CALN1: variants seen among roughly 807,000 people sequenced by gnomAD.
The protein encoded by CALN1 is calneuron 1.
Under a neutral mutation model 30.6 loss-of-function variants are expected in CALN1, and 17 were observed. That is an observed-to-expected ratio of 0.56 (90% CI 0.38 to 0.83). The LOEUF (loss-of-function observed/expected upper bound fraction) is 0.83. Among genes scored for constraint, CALN1 ranks in the 40% least tolerant of loss-of-function variants. CALN1 has a pLI of 0.00. For synonymous variants in CALN1, 156 were observed against 131.4 expected, an observed-to-expected ratio of 1.19 and a Z score of -1.28; for missense variants, 291 against 354.9, an observed-to-expected ratio of 0.82 and a Z score of 1.45.
At chr7:72,352,473 T>C (rs1285068700) in intron 2 of CALN1, among the ~76,000 whole-genome samples, 1 of 150,992 alleles carries the variant, frequency 6.6e-6, no homozygotes, top group African/African-American at 2.4e-5. Flanking sequence ...GGAATTAAAT[T>C]AGAAATCAGT....
intron 5 of CALN1, among the ~76,000 whole-genome samples, chr7:71,924,563 T>G (rs1204796428): frequency 6.6e-6 from 1 of 152,182 alleles, no homozygotes; most frequent in African/African-American, 2.4e-5. Flanking sequence ...CTATCTCAGA[T>G]AAAACAATAT....
At chr7:71,963,677 C>T (rs1797381896) in intron 5 of CALN1, among the ~76,000 whole-genome samples, 1 of 152,070 alleles carries the variant, frequency 6.6e-6, no homozygotes, top group South Asian at 2.1e-4. Context: ...TTTCCCTTAC[C>T]CCCTTGGTCA....
intron 2 of CALN1, among the ~76,000 whole-genome samples, chr7:72,399,872 G>A (rs767917553): frequency 1.3e-5 from 2 of 152,128 alleles, no homozygotes; most frequent in Non-Finnish European, 2.9e-5. Flanking sequence ...CACCCTTCCT[G>A]TGATAATGAG....
chr7:71,831,887 A>AC (rs1227780433), intron 5 of CALN1, among the ~76,000 whole-genome samples: 2 of 149,918 alleles, frequency 1.3e-5, no homozygotes, highest in Non-Finnish European at 3.0e-5. Context: ...AAAAAAAAAA[A>AC]AAAAAAAAAA....
intron 2 of CALN1, among the ~76,000 whole-genome samples, chr7:72,314,364 T>TACATATATATACAC (rs144343177): frequency 8.6e-6 from 1 of 116,880 alleles, no homozygotes; most frequent in Non-Finnish European, 1.5e-5. Flanking sequence ...TATATACATA[T>TACATATATATACAC]ACATATATAC....
intron 5 of CALN1, among the ~76,000 whole-genome samples, chr7:71,886,468 C>A (rs543689309): frequency 6.6e-6 from 1 of 152,154 alleles, no homozygotes; most frequent in African/African-American, 2.4e-5. Flanking sequence ...CAAGAGTCTG[C>A]GGTCAATTAT....
chr7:72,358,897 G>A (rs1258635728), intron 2 of CALN1, among the ~76,000 whole-genome samples: 1 of 151,790 alleles, frequency 6.6e-6, no homozygotes, highest in African/African-American at 2.4e-5. Context: ...GGCGGAGGTT[G>A]CAGTGAGGTG....
chr7:72,116,191 G>T (rs1325758898), intron 3 of CALN1, among the ~76,000 whole-genome samples: 1 of 152,152 alleles, frequency 6.6e-6, no homozygotes, highest in African/African-American at 2.4e-5. Flanking sequence ...TGAAAAGAAG[G>T]CTCAAGTGAG....
intron 5 of CALN1, among the ~76,000 whole-genome samples, chr7:71,988,454 C>T (rs1280595000): frequency 6.6e-6 from 1 of 152,098 alleles, no homozygotes; most frequent in Admixed American, 6.5e-5. Flanking sequence ...GCCCCAAGCC[C>T]ACAGTCATGT....
intron 3 of CALN1, among the ~76,000 whole-genome samples, chr7:72,248,239 C>T (rs1158665958): frequency 6.6e-6 from 1 of 152,128 alleles, no homozygotes; most frequent in African/African-American, 2.4e-5. Context: ...CTCAGCCTTC[C>T]AAGTAGCTGG....
At chr7:72,053,291 C>T (rs2129536301) in intron 4 of CALN1, among the ~76,000 whole-genome samples, 1 of 152,288 alleles carries the variant, frequency 6.6e-6, no homozygotes, top group South Asian at 2.1e-4. Flanking sequence ...ACACCAAAGA[C>T]TCCCAGAAAG....
the CALN1 span, among the ~76,000 whole-genome samples, chr7:72,487,890 AAAAGAAAG>A: frequency 6.0e-4 from 36 of 60,260 alleles, no homozygotes; most frequent in East Asian, 1.8e-3. Flanking sequence ...GAAAGAAAAG[AAAAGAAAG>A]AAAGAAAGAA....
At chr7:72,313,330 A>T (rs911335574) in intron 2 of CALN1, among the ~76,000 whole-genome samples, 1 of 152,210 alleles carries the variant, frequency 6.6e-6, no homozygotes, top group Non-Finnish European at 1.5e-5. Flanking sequence ...CATTTGGAAA[A>T]AAATAACAAT....
intron 1 of CALN1, among the ~76,000 whole-genome samples, chr7:72,426,532 G>A (rs1479685719): frequency 6.6e-6 from 1 of 152,194 alleles, no homozygotes; most frequent in Non-Finnish European, 1.5e-5. Context: ...TCAGCTATGT[G>A]GAACTGTGAG....
At chr7:72,183,066 G>A (rs1178551918) in intron 3 of CALN1, among the ~76,000 whole-genome samples, 1 of 152,022 alleles carries the variant, frequency 6.6e-6, no homozygotes, top group Admixed American at 6.6e-5. Context: ...GGTGTTTGTT[G>A]TTTGTCTGTT....
At chr7:72,361,814 T>G (rs554308482) in intron 2 of CALN1, among the ~76,000 whole-genome samples, 27 of 152,054 alleles carry the variant, frequency 1.8e-4, no homozygotes, top group African/African-American at 3.6e-4. Context: ...AGAAACTGTT[T>G]GATTTCAAGG....
intron 2 of CALN1, among the ~76,000 whole-genome samples, chr7:72,341,317 G>T (rs1802372430): frequency 6.6e-6 from 1 of 152,172 alleles, no homozygotes; most frequent in South Asian, 2.1e-4. Flanking sequence ...GAGGTCAGGG[G>T]TTCGACACCA....
In CALN1 at chr7:71,793,320, A is replaced by AC. The variant is rs112258231; in HGVS notation, c.659-5419_659-5418insG. 9.1e-3 allele frequency among the ~76,000 whole-genome samples: 1,382 copies of AC among 152,220 alleles called. 20 individuals are homozygous for AC. Among genetic ancestry groups the AC allele is most frequent in the African/African-American group, 0.031 (1,269 of 41,526 alleles). ...AAACTCCATCTCAAAACAAAACAAA[A>AC]AAAAAGCACAGAGGAGCTTCTAGAT... On this transcript the variant is annotated intron_variant, in intron 6 of 6. Coordinates refer to ENST00000395275, the MANE Select transcript of CALN1 (RefSeq NM_031468.4).
intron 5 of CALN1, among the ~76,000 whole-genome samples, chr7:71,989,421 G>A (rs1584690826): frequency 6.0e-5 from 9 of 149,962 alleles, no homozygotes. Context: ...CCTGGGCAAC[G>A]GAGTGAGATT....
Sources: allele counts gnomAD v4.1 joint callset (sites outside exome capture counted in the v4.1 genomes callset), GRCh38; gene constraint gnomAD v4.1.1; transcripts MANE v1.5; gene names NCBI Gene and HGNC (gene_info 2026-07-23, HGNC 2026-07-21).